Variants in FAR2 observed in about 807,000 individuals in gnomAD.
FAR2 encodes the protein fatty acyl-CoA reductase 2, also known as epididymis secretory protein Li 81.
Under a neutral mutation model 56.0 loss-of-function variants are expected in FAR2, and 19 were observed. The ratio of observed to expected loss-of-function variants is 0.34; its 90% CI spans 0.24 to 0.50. The LOEUF is 0.50. Ranked by LOEUF, FAR2 falls within the 20% of genes least tolerant of loss-of-function variation. The pLI is 0.98. For synonymous variants in FAR2, 219 were observed against 218.8 expected, an observed-to-expected ratio of 1.00 and a Z score of -0.01; for missense variants, 508 against 642.2, an observed-to-expected ratio of 0.79 and a Z score of 2.26.
intron 2 of FAR2, among the ~76,000 whole-genome samples, chr12:29,283,481 G>A (rs1948818871): frequency 6.6e-6 from 1 of 152,156 alleles, no homozygotes; most frequent in African/African-American, 2.4e-5. Flanking sequence ...CACCTATCTT[G>A]TAAAGTAGTA....
At chr12:29,196,084 T>C (rs1389325923) in intron 1 of FAR2, among the ~76,000 whole-genome samples, 3 of 152,204 alleles carry the variant, frequency 2.0e-5, no homozygotes, top group African/African-American at 7.2e-5. Flanking sequence ...ATATTTTCTT[T>C]ATCTAATTAT....
At chr12:29,192,222 T>C (rs1950108628) in intron 1 of FAR2, among the ~76,000 whole-genome samples, 1 of 152,270 alleles carries the variant, frequency 6.6e-6, no homozygotes, top group Non-Finnish European at 1.5e-5. Flanking sequence ...CTCTCCATTG[T>C]TTTGTTATTG....
intron 1 of FAR2, among the ~76,000 whole-genome samples, chr12:29,211,983 C>T (rs1179628735): frequency 6.6e-6 from 1 of 150,900 alleles, no homozygotes; most frequent in Non-Finnish European, 1.5e-5. Context: ...CAACAAAATA[C>T]CAGAAGCTAG....
chr12:29,234,502 T>C (rs1344514892), intron 1 of FAR2, among the ~76,000 whole-genome samples: 1 of 152,138 alleles, frequency 6.6e-6, no homozygotes, highest in Non-Finnish European at 1.5e-5. Flanking sequence ...AGGCTCTCTA[T>C]ATTTCTCTGT....
chr12:29,280,957 C>G (rs1455523586), intron 2 of FAR2: 1 of 152,238 alleles, frequency 6.6e-6, no homozygotes, highest in Non-Finnish European at 1.5e-5. Flanking sequence ...TAATGAGGTT[C>G]TGCCATGGCC....
Position 29,333,816 on chromosome 12 carries a change from T to C in FAR2, c.*22T>C. The C allele has an allele frequency of 6.2e-7, 1 of 1,608,746 alleles. No homozygotes were observed. The highest frequency in any genetic ancestry group is 8.5e-7 in the Non-Finnish European group (1 of 1,176,986). ...TTAAGAGCATTTAGCCATCGCTTTTTATCTGGAACCTCTCAGATACCTCTA... is the reference window on the plus strand; with the variant it reads ...TTAAGAGCATTTAGCCATCGCTTTTCATCTGGAACCTCTCAGATACCTCTA... On this transcript the variant is annotated 3_prime_UTR_variant, in exon 12 of 12. Transcript: ENST00000536681.
intron 1 of FAR2, among the ~76,000 whole-genome samples, chr12:29,224,570 C>G (rs1947735770): frequency 6.6e-6 from 1 of 152,082 alleles, no homozygotes; most frequent in Non-Finnish European, 1.5e-5. Context: ...AGATTTTTGC[C>G]TTTTGCTTTT....
At chr12:29,186,296 C>G (rs1245840252) in intron 1 of FAR2, among the ~76,000 whole-genome samples, 1 of 152,170 alleles carries the variant, frequency 6.6e-6, no homozygotes, top group Non-Finnish European at 1.5e-5. Context: ...TATTGCAGCT[C>G]TAGGAGATCC....
intron 7 of FAR2, among the ~76,000 whole-genome samples, chr12:29,311,601 A>G (rs1949352527): frequency 6.6e-6 from 1 of 151,388 alleles, no homozygotes; most frequent in Admixed American, 6.6e-5. Context: ...TAGTAAATTA[A>G]ATTTTTCTTA....
chr12:29,256,582 G>C (rs916823087), intron 1 of FAR2, among the ~76,000 whole-genome samples: 1 of 152,212 alleles, frequency 6.6e-6, no homozygotes, highest in Non-Finnish European at 1.5e-5. Flanking sequence ...CACTGTGGGA[G>C]CCCCTTTCTG....
At chr12:29,301,470 T>C (rs992352324) in intron 4 of FAR2, among the ~76,000 whole-genome samples, 2 of 152,216 alleles carry the variant, frequency 1.3e-5, no homozygotes, top group Non-Finnish European at 2.9e-5. Context: ...GTTTATTTTT[T>C]AAAATGCACA....
rs1295760006 is a variant in FAR2 at position 29,310,460 on chromosome 12, T to A, written c.769-568T>A. On this transcript the variant is annotated intron_variant, in intron 6 of 11. Coordinates refer to ENST00000536681, the MANE Select transcript of FAR2 (RefSeq NM_001271783.2). Reference sequence around the variant, plus strand: ...CAGTGATCTGTGAGGTGAACTAAGATACTGAATAAAAAGTAAATAATAAGG... The same window carrying A: ...CAGTGATCTGTGAGGTGAACTAAGAAACTGAATAAAAAGTAAATAATAAGG... Among the ~76,000 whole-genome samples the A allele has an allele frequency of 2.6e-5, 4 of 152,120 alleles. No individual in the cohort carries two copies. The East Asian group carries it at 7.7e-4, about 29-fold the overall frequency.
At chr12:29,159,283 AATCCT>A (rs1459880385) in intron 1 of FAR2, among the ~76,000 whole-genome samples, 1 of 152,182 alleles carries the variant, frequency 6.6e-6, no homozygotes, top group East Asian at 1.9e-4. Flanking sequence ...TCATGCCTGT[AATCCT>A]AGCACTTTGG....
At chr12:29,216,470 TG>T (rs1947622866) in intron 1 of FAR2, among the ~76,000 whole-genome samples, 4 of 74,832 alleles carry the variant, frequency 5.3e-5, no homozygotes, top group Non-Finnish European at 1.3e-4. Flanking sequence ...ATTGCTCTCA[TG>T]TGTACAGCAG....
intron 1 of FAR2, among the ~76,000 whole-genome samples, chr12:29,160,482 C>G (rs1041600107): frequency 6.6e-6 from 1 of 152,110 alleles, no homozygotes. Context: ...GGCTGCGTAT[C>G]AAAAGGCAAG....
intron 1 of FAR2, among the ~76,000 whole-genome samples, chr12:29,209,821 C>T (rs1170001730): frequency 6.6e-6 from 1 of 152,154 alleles, no homozygotes; most frequent in Admixed American, 6.5e-5. Context: ...TCACAATACT[C>T]ATTTACATAC....
intron 10 of FAR2, among the ~76,000 whole-genome samples, chr12:29,325,167 T>C (rs11502455): frequency 0.016 from 2,453 of 152,264 alleles, 66 homozygotes; most frequent in African/African-American, 0.05. Context: ...CATTACATAA[T>C]GGTAAAGGGA....
At chr12:29,214,174 A>G (rs980885003) in intron 1 of FAR2, among the ~76,000 whole-genome samples, 1 of 152,226 alleles carries the variant, frequency 6.6e-6, no homozygotes, top group Non-Finnish European at 1.5e-5. Flanking sequence ...TAATACTGAA[A>G]GAATATTGCT....
chr12:29,300,240 C>T (rs1949140697), intron 4 of FAR2, among the ~76,000 whole-genome samples: 1 of 152,210 alleles, frequency 6.6e-6, no homozygotes, highest in Non-Finnish European at 1.5e-5. Context: ...CATATCCCCA[C>T]ATCTTACCCT....
Sources: gnomAD v4.1 joint callset for allele counts (sites outside exome capture counted in the v4.1 genomes callset) on GRCh38, gnomAD v4.1.1 for gene constraint, MANE v1.5 for transcripts, NCBI Gene and HGNC (gene_info 2026-07-23, HGNC 2026-07-21) for gene names.